Variants in FBRSL1 observed in about 807,000 individuals in gnomAD.
FBRSL1 encodes fibrosin like 1.
A neutral mutation model predicts 89.6 loss-of-function variants in FBRSL1; 51 were observed. The ratio of observed to expected loss-of-function variants is 0.57; its 90% CI spans 0.45 to 0.72. The LOEUF (loss-of-function observed/expected upper bound fraction) is 0.72. Ranked by LOEUF, FBRSL1 falls within the 30% of genes least tolerant of loss-of-function variation. FBRSL1 has a pLI of 0.00. For missense variants in FBRSL1, 1,618 were observed against 1,451.8 expected, an observed-to-expected ratio of 1.11 and a Z score of -1.86; for synonymous variants, 779 against 681.1, an observed-to-expected ratio of 1.14 and a Z score of -2.24.
chr12:132,508,956 C>G (rs1168726196), intron 2 of FBRSL1, among the ~76,000 whole-genome samples: 1 of 152,206 alleles, frequency 6.6e-6, no homozygotes, highest in Non-Finnish European at 1.5e-5. Context: ...CTGGGTGCAG[C>G]TCAGCCTGCA....
chr12:132,578,558 A>G (rs957573505), intron 15 of FBRSL1, among the ~76,000 whole-genome samples: 3 of 152,158 alleles, frequency 2.0e-5, no homozygotes, highest in Admixed American at 1.3e-4. Flanking sequence ...TTCAAGGGTC[A>G]GCTGCATGCA....
intron 4 of FBRSL1, among the ~76,000 whole-genome samples, chr12:132,535,665 C>T (rs143152547): frequency 4.6e-5 from 7 of 152,240 alleles, no homozygotes; most frequent in South Asian, 2.1e-4. Flanking sequence ...CTAGGCCCAG[C>T]GGGTGCAGGA....
At chr12:132,525,875 C>CACT (rs2035749783) in intron 3 of FBRSL1, 52 bp downstream of exon 3, 14 of 1,429,340 alleles carry the variant, frequency 9.8e-6, no homozygotes, top group East Asian at 2.5e-5. Flanking sequence ...GCCGCCTGCC[C>CACT]GCTGCGCCCC....
At chr12:132,493,774 C>T (rs142692535) in intron 1 of FBRSL1, among the ~76,000 whole-genome samples, 12 of 152,338 alleles carry the variant, frequency 7.9e-5, no homozygotes, top group Non-Finnish European at 1.8e-4. Context: ...CCAGCATCTG[C>T]ACATTTATAT....
intron 5 of FBRSL1, chr12:132,552,418 G>C (rs933273135): frequency 1.3e-5 from 2 of 155,038 alleles, no homozygotes; most frequent in African/African-American, 4.8e-5. Flanking sequence ...CCGTGGGACA[G>C]ACAGAAGGAT....
Position 132,552,654 on chromosome 12 carries a change from T to C in FBRSL1, c.645+4622T>C, listed in dbSNP as rs2038281912. ...AGGACGGATGGACGGCTGGACAGGC[T>C]GGAGGCCCCTTCCATGGGGCACTCA... On this transcript the variant is annotated intron_variant, in intron 5 of 18. Transcript: ENST00000680143. 4 of 158,404 alleles carry C rather than the reference T, an allele frequency of 2.5e-5. No homozygotes were observed. The South Asian group carries it at 4.2e-4, about 17-fold the overall frequency. 9.8% of individuals were successfully genotyped at this position (158,404 alleles called of 1,614,324 possible). A position where few individuals can be genotyped will look rare whatever the true frequency, so the allele number is the denominator to read the frequency against.
In FBRSL1 at chr12:132,526,271, C is replaced by T. The variant is rs189952458; in HGVS notation, c.579+448C>T. The stretch of plus-strand genomic sequence containing the variant: ...GGGGCAGTGGGGAGGTTTCTGCTGA[C>T]TGGAACTTGAGGCATCTCATTATCA... On this transcript the variant is annotated intron_variant, in intron 3 of 18. Transcript: ENST00000680143. Among the ~76,000 whole-genome samples the T allele has an allele frequency of 9.2e-5, 14 of 152,370 alleles. 1 individual carries two copies. The highest frequency in any genetic ancestry group is 6.2e-4 in the South Asian group (3 of 4,832).
At chr12:132,494,611 G>A (rs1276438535) in intron 1 of FBRSL1, among the ~76,000 whole-genome samples, 1 of 152,256 alleles carries the variant, frequency 6.6e-6, no homozygotes, top group Non-Finnish European at 1.5e-5. Flanking sequence ...CTAGCTCCAG[G>A]CGGACACCAC....
At chr12:132,564,788 C>G (rs12818635) in intron 5 of FBRSL1, among the ~76,000 whole-genome samples, 31,760 of 130,678 alleles carry the variant, frequency 0.24, 6,631 homozygotes, top group Non-Finnish European at 0.31. Context: ...CGCCACCACG[C>G]CCGGCTAATT....
At position 132,533,883 on chromosome 12, in the gene FBRSL1, G is replaced by A. The variant is rs373033074; in HGVS notation, c.615+5895G>A. On this transcript the variant is annotated intron_variant, in intron 4 of 18. Transcript: ENST00000680143. ...TGCCAGGTCGGAAGGAAGGTGGCCG[G>A]GGTCAGGGCAGCATCTCAGAAGGGG... Among the ~76,000 whole-genome samples, 7 of 152,220 alleles carry A rather than the reference G, an allele frequency of 4.6e-5. No homozygotes were observed. The East Asian group carries it at 1.3e-3, about 29-fold the overall frequency.
intron 5 of FBRSL1, chr12:132,551,381 G>A (rs2038143701): frequency 4.4e-6 from 2 of 455,060 alleles, no homozygotes; most frequent in African/African-American, 4.0e-5. Context: ...GTCCTGCGTG[G>A]GGTCTGTGGG....
intron 5 of FBRSL1, chr12:132,551,931 C>T (rs1313892524): frequency 6.7e-6 from 2 of 298,204 alleles, no homozygotes; most frequent in East Asian, 1.6e-4. Flanking sequence ...CCACGGCCAC[C>T]TCCAGGGATG....
intron 1 of FBRSL1, among the ~76,000 whole-genome samples, chr12:132,506,061 T>C (rs2033647850): frequency 6.6e-6 from 1 of 152,244 alleles, no homozygotes; most frequent in Non-Finnish European, 1.5e-5. Flanking sequence ...CACCCCATGC[T>C]GTCTGTTCTC....
chr12:132,512,950 C>A (rs903023904), intron 2 of FBRSL1, among the ~76,000 whole-genome samples: 2 of 152,194 alleles, frequency 1.3e-5, no homozygotes, highest in East Asian at 1.9e-4. Context: ...GGCTTGCGGT[C>A]GGGGTGCCGC....
intron 11 of FBRSL1, among the ~76,000 whole-genome samples, chr12:132,573,380 C>A (rs1236358898): frequency 1.3e-5 from 2 of 152,194 alleles, no homozygotes; most frequent in African/African-American, 4.8e-5. Flanking sequence ...GCAGATAGTG[C>A]TTCCGAGGAC....
chr12:132,494,060 C>T (rs1182855383), intron 1 of FBRSL1, among the ~76,000 whole-genome samples: 1 of 152,168 alleles, frequency 6.6e-6, no homozygotes, highest in Non-Finnish European at 1.5e-5. Flanking sequence ...CTGAGCCAGC[C>T]CCCGCTTGAC....
rs1220462384 is a variant in FBRSL1 at position 132,509,420 on chromosome 12, C to T, written c.489+1070C>T. The T allele has an allele frequency of 2.9e-5, 36 of 1,241,640 alleles. No homozygotes were observed. The East Asian group carries it at 3.2e-4, about 11-fold the overall frequency. The allele number at this position is 1,241,640 out of a possible 1,614,324, so 76.9% of individuals were successfully genotyped here. On this transcript the variant is annotated intron_variant, in intron 2 of 18. Transcript: ENST00000680143. The stretch of plus-strand genomic sequence containing the variant: ...AGCCCCGGCGGTCACTTCTGGGCCC[C>T]GGTCAGCCCTGCCGGCCCCAGCGGC...
intron 5 of FBRSL1, among the ~76,000 whole-genome samples, chr12:132,562,120 C>T (rs1467571317): frequency 6.6e-6 from 1 of 152,198 alleles, no homozygotes; most frequent in East Asian, 1.9e-4. Context: ...CTGGGATGGT[C>T]ACTGCGTAGC....
In FBRSL1 at chr12:132,546,233, A is replaced by G. The variant is rs551986747; in HGVS notation, c.616-1770A>G. Among the ~76,000 whole-genome samples, 4 of 152,344 alleles carry G rather than the reference A, an allele frequency of 2.6e-5. No individual in the cohort carries two copies. The East Asian group carries it at 5.8e-4, about 22-fold the overall frequency. On this transcript the variant is annotated intron_variant, in intron 4 of 18. Coordinates refer to ENST00000680143, the MANE Select transcript of FBRSL1 (RefSeq NM_001367871.1). This position sits in a 1 kb window ranked among gnomAD's most constrained non-coding sequence, Gnocchi z 4.0. ...CCTCACCAAACACCAAGGCCCGCCCATATCACAGCAGGGGAGATGGAGGAC... is the reference window on the plus strand; with the variant it reads ...CCTCACCAAACACCAAGGCCCGCCCGTATCACAGCAGGGGAGATGGAGGAC...
Sources: allele counts gnomAD v4.1 joint callset (sites outside exome capture counted in the v4.1 genomes callset), GRCh38; gene constraint gnomAD v4.1.1; non-coding constraint Gnocchi (gnomAD v3.1); transcripts MANE v1.5; gene names NCBI Gene and HGNC (gene_info 2026-07-23, HGNC 2026-07-21).